KIAA0319L: variants seen among roughly 807,000 people sequenced by gnomAD.
The protein encoded by KIAA0319L is dyslexia-associated protein KIAA0319-like protein.
KIAA0319L carries 55 observed loss-of-function variants against 120.1 expected under a neutral mutation model. The ratio of observed to expected loss-of-function variants is 0.46; its 90% CI spans 0.37 to 0.57. The LOEUF is 0.57. Among genes scored for constraint, KIAA0319L ranks in the 20% least tolerant of loss-of-function variants. The pLI, the probability that KIAA0319L is intolerant of heterozygous loss-of-function variation, is 0.00. For synonymous variants in KIAA0319L, 398 were observed against 471.9 expected (o/e 0.84, Z 2.03); for missense variants, 1,049 against 1,255.3 (o/e 0.84, Z 2.48).
intron 6 of KIAA0319L, among the ~76,000 whole-genome samples, chr1:35,469,164 G>C (rs980846030): frequency 6.6e-6 from 1 of 152,248 alleles, no homozygotes; most frequent in Non-Finnish European, 1.5e-5. Flanking sequence ...GAGTAGCTGG[G>C]ACCACAGGCA....
chr1:35,484,801 TATA>T (rs575645207), intron 3 of KIAA0319L, among the ~76,000 whole-genome samples: 5,047 of 45,484 alleles, frequency 0.11, 236 homozygotes, highest in East Asian at 0.18. Flanking sequence ...TATATATATA[TATA>T]TATTTTTTTT....
intron 2 of KIAA0319L, among the ~76,000 whole-genome samples, chr1:35,530,806 C>T (rs1034737044): frequency 6.6e-6 from 1 of 152,084 alleles, no homozygotes; most frequent in Non-Finnish European, 1.5e-5. Flanking sequence ...TGGATGCATG[C>T]GGCAGTGTAG....
At chr1:35,448,402 T>C (rs1641802272) in intron 15 of KIAA0319L, 70 bp from the exon 16 acceptor site, 1 of 1,418,472 alleles carries the variant, frequency 7.0e-7, no homozygotes, top group Admixed American at 1.8e-5. Context: ...ACTGTGCATT[T>C]GCTTTGGCAC....
chr1:35,484,803 TA>T (rs369403753), intron 3 of KIAA0319L, among the ~76,000 whole-genome samples: 3,705 of 29,210 alleles, frequency 0.13, 82 homozygotes, highest in South Asian at 0.18. Context: ...TATATATATA[TA>T]TATTTTTTTT....
chr1:35,520,573 T>A (rs1424188244), intron 2 of KIAA0319L, among the ~76,000 whole-genome samples: 1 of 152,158 alleles, frequency 6.6e-6, no homozygotes, highest in African/African-American at 2.4e-5. Context: ...TTTTATGTTT[T>A]ATTTTTTTGT....
At chr1:35,479,964 A>AG (rs1475688828) in intron 3 of KIAA0319L, among the ~76,000 whole-genome samples, 1 of 148,650 alleles carries the variant, frequency 6.7e-6, no homozygotes, top group African/African-American at 2.5e-5. Context: ...AAAAAAAAAA[A>AG]AAAAAAAACA....
rs142411848 is a variant in KIAA0319L at position 35,554,484 on chromosome 1, T to G, written c.8A>C (p.Lys3Thr). The G allele has an allele frequency of 5.2e-4, 842 of 1,608,694 alleles. 2 individuals are homozygous for G. The Middle Eastern group carries it at 0.017, about 33-fold the overall frequency. ME[K>T]RLGVKPNPAS... is the part of the protein sequence containing the mutation. Reference sequence around the variant, plus strand: ...AGGATTTGGCTTGACTCCCAGCCTCTTCTCCATGGCCCTCCAGACAGGCAG... The same window carrying G: ...AGGATTTGGCTTGACTCCCAGCCTCGTCTCCATGGCCCTCCAGACAGGCAG... The change falls in exon 2 of 21, where the codon AAG becomes ACG. Residue 3 changes from lysine (K) to threonine (T), a missense_variant. By Grantham distance (78) the Lys-to-Thr change is moderately conservative. Transcript: ENST00000325722.
intron 3 of KIAA0319L, among the ~76,000 whole-genome samples, chr1:35,480,580 G>C (rs777306196): frequency 2.0e-5 from 3 of 152,128 alleles, no homozygotes; most frequent in African/African-American, 7.2e-5. Context: ...TAAGGAGTTT[G>C]AGACCAGCCT....
intron 3 of KIAA0319L, among the ~76,000 whole-genome samples, chr1:35,494,619 A>T (rs1189348486): frequency 3.3e-5 from 5 of 151,030 alleles, no homozygotes; most frequent in Non-Finnish European, 7.4e-5. Flanking sequence ...ACATGGTGAA[A>T]CCCCATCTCC....
In KIAA0319L at chr1:35,506,808, T is replaced by A. The variant is rs758512516; in HGVS notation, c.470A>T (p.Asn157Ile). ...DVPHLLGLGWNWASWRQSPPR... is the reference protein window; with the variant it reads ...DVPHLLGLGWIWASWRQSPPR... ...TGGGCTCTGCCTCCAAGATGCCCAGTTCCAACCTAGCCCCAGAAGATGTGG... is the reference window on the plus strand; with the variant it reads ...TGGGCTCTGCCTCCAAGATGCCCAGATCCAACCTAGCCCCAGAAGATGTGG... Residue 157 changes from asparagine to isoleucine, a missense_variant, in exon 3 of 21, where the codon AAC becomes ATC. Asn to Ile is a moderately radical substitution (Grantham distance 149). Coordinates refer to ENST00000325722, the MANE Select transcript of KIAA0319L (RefSeq NM_024874.5). This position sits in a 1 kb window ranked among gnomAD's most constrained non-coding sequence, Gnocchi z 4.0. The A allele has an allele frequency of 1.9e-6, 3 of 1,614,188 alleles. No individual in the cohort carries two copies. The highest frequency in any genetic ancestry group is 4.5e-5 in the East Asian group (2 of 44,890).
Position 35,453,825 on chromosome 1 carries a change from G to C in KIAA0319L, c.1781-136C>G. The C allele has an allele frequency of 1.3e-6, 1 of 796,412 alleles. No individual in the cohort carries two copies. The highest frequency in any genetic ancestry group is 2.1e-5 in the South Asian group (1 of 48,582). The allele number at this position is 796,412 out of a possible 1,614,324, so 49.3% of individuals were successfully genotyped here. On this transcript the variant is annotated intron_variant, in intron 11 of 20. Coordinates refer to ENST00000325722, the MANE Select transcript of KIAA0319L (RefSeq NM_024874.5). This position sits in a 1 kb window ranked among gnomAD's most constrained non-coding sequence, Gnocchi z 4.1. Reference sequence around the variant, plus strand: ...AACTGTCAGATACTGTGGGAGATGTGGTTACCGTCAGGGAGCACACAATAA... The same window carrying C: ...AACTGTCAGATACTGTGGGAGATGTCGTTACCGTCAGGGAGCACACAATAA...
intron 5 of KIAA0319L, among the ~76,000 whole-genome samples, chr1:35,473,591 A>T (rs1238642179): frequency 6.6e-6 from 1 of 152,128 alleles, no homozygotes; most frequent in African/African-American, 2.4e-5. Context: ...CACTAAACCC[A>T]ATCACCTTAA....
At chr1:35,501,706 G>A (rs1645011791) in intron 3 of KIAA0319L, among the ~76,000 whole-genome samples, 1 of 151,772 alleles carries the variant, frequency 6.6e-6, no homozygotes, top group Non-Finnish European at 1.5e-5. Flanking sequence ...GAGAAACCCT[G>A]TCTCTACTAA....
chr1:35,451,284 A>G (rs975800691), intron 13 of KIAA0319L, among the ~76,000 whole-genome samples: 5 of 152,218 alleles, frequency 3.3e-5, no homozygotes, highest in African/African-American at 9.6e-5. Context: ...CCCAGGTCTC[A>G]GCAATGCAGA....
At chr1:35,508,421 C>T (rs1461339346) in intron 2 of KIAA0319L, among the ~76,000 whole-genome samples, 1 of 152,160 alleles carries the variant, frequency 6.6e-6, no homozygotes, top group Non-Finnish European at 1.5e-5. Flanking sequence ...AATCTGACTC[C>T]CACGGAATAC....
intron 3 of KIAA0319L, among the ~76,000 whole-genome samples, chr1:35,479,972 A>C (rs995404005): frequency 1.3e-5 from 2 of 148,768 alleles, no homozygotes; most frequent in Admixed American, 6.7e-5. Flanking sequence ...AAAAAAAAAA[A>C]CACAAGCTAA....
chr1:35,540,689 A>C (rs1465268490), intron 2 of KIAA0319L, among the ~76,000 whole-genome samples: 1 of 152,188 alleles, frequency 6.6e-6, no homozygotes, highest in Non-Finnish European at 1.5e-5. Context: ...TTATTCTATT[A>C]AGACCAGCTT....
intron 3 of KIAA0319L, among the ~76,000 whole-genome samples, chr1:35,500,246 T>C (rs968646040): frequency 2.0e-5 from 3 of 152,210 alleles, no homozygotes; most frequent in Admixed American, 1.3e-4. Context: ...AGCAATTAAT[T>C]GTCAGAACTG....
intron 12 of KIAA0319L, among the ~76,000 whole-genome samples, chr1:35,452,455 G>A (rs1236313858): frequency 6.6e-6 from 1 of 152,146 alleles, no homozygotes; most frequent in African/African-American, 2.4e-5. Flanking sequence ...GGATCAAAAT[G>A]CCCCAGAGCT....
Sources: allele counts gnomAD v4.1 joint callset (sites outside exome capture counted in the v4.1 genomes callset), GRCh38; gene constraint gnomAD v4.1.1; non-coding constraint Gnocchi (gnomAD v3.1); transcripts MANE v1.5; gene names NCBI Gene and HGNC (gene_info 2026-07-23, HGNC 2026-07-21).